BTBD3: variants seen among roughly 807,000 people sequenced by gnomAD.
BTBD3 encodes BTB domain containing 3, also known as BTB/POZ domain-containing protein 3.
In BTBD3, 14 loss-of-function variants were observed where a neutral mutation model predicts 41.6. That is an observed-to-expected ratio of 0.34 (90% CI 0.22 to 0.53). The LOEUF (loss-of-function observed/expected upper bound fraction) is 0.53, where lower values mean the gene tolerates loss of function less well. Among genes scored for constraint, BTBD3 ranks in the 20% least tolerant of loss-of-function variants. The pLI is 0.95. For synonymous variants in BTBD3, 249 were observed against 233.7 expected, an observed-to-expected ratio of 1.07 and a Z score of -0.60; for missense variants, 426 against 654.7, an observed-to-expected ratio of 0.65 and a Z score of 3.81.
chr20:11,909,068 A>G (rs765110769), intron 1 of BTBD3, among the ~76,000 whole-genome samples: 2 of 152,008 alleles, frequency 1.3e-5, no homozygotes, highest in Non-Finnish European at 2.9e-5. Flanking sequence ...TGAGGTCGGG[A>G]GTTTGAGACC....
At chr20:11,909,978 G>A (rs1424320108) in intron 1 of BTBD3, 1 of 152,216 alleles carries the variant, frequency 6.6e-6, no homozygotes, top group Non-Finnish European at 1.5e-5. Flanking sequence ...TAAAGGTATA[G>A]AACTTAGTTG....
At chr20:11,891,253 C>T (rs1304148604) in intron 1 of BTBD3, 1 of 151,434 alleles carries the variant, frequency 6.6e-6, no homozygotes, top group Non-Finnish European at 1.5e-5. Flanking sequence ...GCAGGGCCGC[C>T]TCAGCCGAAA....
At chr20:11,898,079 A>G (rs1600227476) in intron 1 of BTBD3, among the ~76,000 whole-genome samples, 1 of 152,096 alleles carries the variant, frequency 6.6e-6, no homozygotes, top group Non-Finnish European at 1.5e-5. Flanking sequence ...AATCTCTTGA[A>G]CCTGGAAGGC....
At chr20:11,907,277 G>C (rs1353676861) in intron 1 of BTBD3, among the ~76,000 whole-genome samples, 1 of 152,164 alleles carries the variant, frequency 6.6e-6, no homozygotes, top group East Asian at 1.9e-4. Context: ...TTATAATACT[G>C]CATTTGTGCT....
chr20:11,902,159 G>A (rs6040979), intron 1 of BTBD3, among the ~76,000 whole-genome samples: 110,966 of 152,014 alleles, frequency 0.73, 40,944 homozygotes, highest in Non-Finnish European at 0.78. Flanking sequence ...TAAACAGTCA[G>A]TAAACGCATA....
chr20:11,891,299 T>C (rs886669260), intron 1 of BTBD3: 2 of 151,098 alleles, frequency 1.3e-5, no homozygotes, highest in African/African-American at 2.4e-5. Flanking sequence ...CGCCTGGCCG[T>C]GCGGACGCCC....
chr20:11,897,779 AAC>A (rs2056796816), intron 1 of BTBD3, among the ~76,000 whole-genome samples: 1 of 152,162 alleles, frequency 6.6e-6, no homozygotes, highest in African/African-American at 2.4e-5. Context: ...ATCTTTTAAA[AAC>A]ATAAGTCAAA....
chr20:11,908,370 C>T (rs2056869531), intron 1 of BTBD3, among the ~76,000 whole-genome samples: 2 of 107,450 alleles, frequency 1.9e-5, no homozygotes, highest in South Asian at 3.3e-4. Context: ...AGTTGCCACT[C>T]TTTGAAGATG....
chr20:11,903,629 C>T (rs112625761), intron 1 of BTBD3, among the ~76,000 whole-genome samples: 36 of 151,130 alleles, frequency 2.4e-4, no homozygotes, highest in African/African-American at 7.5e-4. Context: ...TTTTTTGAGG[C>T]GGAGTTTCGC....
At chr20:11,907,229 G>T (rs559194733) in intron 1 of BTBD3, among the ~76,000 whole-genome samples, 133 of 152,278 alleles carry the variant, frequency 8.7e-4, no homozygotes, top group African/African-American at 3.1e-3. Flanking sequence ...TTGAGCTTTG[G>T]TGTTTACAGT....
chr20:11,894,919 A>G (rs1327064451), intron 1 of BTBD3, among the ~76,000 whole-genome samples: 1 of 152,204 alleles, frequency 6.6e-6, no homozygotes. Flanking sequence ...TTAAAGCTGT[A>G]TGCATATATT....
intron 1 of BTBD3, among the ~76,000 whole-genome samples, chr20:11,908,481 A>G (rs1431253344): frequency 6.6e-6 from 1 of 151,896 alleles, no homozygotes; most frequent in African/African-American, 2.4e-5. Flanking sequence ...AGACTGGAGA[A>G]ACTCAAATTT....
intron 1 of BTBD3, among the ~76,000 whole-genome samples, chr20:11,901,516 T>C (rs879808730): frequency 6.6e-6 from 1 of 152,218 alleles, no homozygotes; most frequent in African/African-American, 2.4e-5. Context: ...CAGCACCTAC[T>C]TAATAAATGC....
intron 1 of BTBD3, among the ~76,000 whole-genome samples, chr20:11,896,021 G>T (rs1372282534): frequency 6.6e-6 from 1 of 152,166 alleles, no homozygotes; most frequent in African/African-American, 2.4e-5. Flanking sequence ...TAGGGAAAGG[G>T]TGTAATTGGA....
At chr20:11,898,363 C>CCG (rs1568607798) in intron 1 of BTBD3, among the ~76,000 whole-genome samples, 2 of 151,902 alleles carry the variant, frequency 1.3e-5, no homozygotes, top group African/African-American at 4.8e-5. Context: ...TTTATCCTAC[C>CCG]CCCCCAGCCA....
rs1433924999 is a variant in BTBD3 at position 11,923,452 on chromosome 20, C to T, written c.1355C>T (p.Pro452Leu). The change falls in exon 4 of 4, where the codon CCC (proline) becomes CTC (leucine). Residue 452 changes from proline (P) to leucine (L), a missense_variant. This residue lies in a region of BTBD3 where 321 missense variants were observed against 534.8 expected (regional missense o/e 0.60). Coordinates refer to ENST00000378226, the MANE Select transcript of BTBD3 (RefSeq NM_014962.4). The surrounding 1 kb of genome is among the most constrained non-coding windows in gnomAD (Gnocchi z 5.3). Reference protein sequence around the residue: ...YFSDGSSNTFPVWFEYPVQIE... With the variant: ...YFSDGSSNTFLVWFEYPVQIE... ...TCAGATGGGTCCAGCAATACCTTTCCCGTATGGTTTGAATACCCAGTGCAG... is the reference window on the plus strand; with the variant it reads ...TCAGATGGGTCCAGCAATACCTTTCTCGTATGGTTTGAATACCCAGTGCAG... 6.2e-7 allele frequency: 1 copy of T among 1,614,172 alleles called. No homozygotes were observed. Among genetic ancestry groups the T allele is most frequent in the Non-Finnish European group, 8.5e-7 (1 of 1,180,028 alleles).
upstream of BTBD3, among the ~76,000 whole-genome samples, chr20:11,916,682 C>G (rs1184728275): frequency 6.6e-6 from 1 of 152,176 alleles, no homozygotes; most frequent in Non-Finnish European, 1.5e-5. Flanking sequence ...CTCTTATTTG[C>G]TGAGCCCTCA....
chr20:11,914,699 GTGTTTCTTAAAC>G (rs1383622154), upstream of BTBD3, among the ~76,000 whole-genome samples: 7 of 152,006 alleles, frequency 4.6e-5, no homozygotes, highest in African/African-American at 1.7e-4. Context: ...ACCTAGACCA[GTGTTTCTTAAAC>G]TGTGGTCATG....
intron 1 of BTBD3, chr20:11,891,575 T>G (rs1304660747): frequency 6.6e-6 from 1 of 152,270 alleles, no homozygotes; most frequent in Non-Finnish European, 1.5e-5. Flanking sequence ...CTCCTGAGGC[T>G]GGACTAGTCC....
Sources: gnomAD v4.1 joint callset for allele counts (sites outside exome capture counted in the v4.1 genomes callset) on GRCh38, gnomAD v4.1.1 for gene constraint, gnomAD v4.1.1 regional missense constraint, Gnocchi (gnomAD v3.1) non-coding constraint, MANE v1.5 for transcripts, NCBI Gene and HGNC (gene_info 2026-07-23, HGNC 2026-07-21) for gene names.